ADPRHL1: variants seen among roughly 807,000 people sequenced by gnomAD.
ADPRHL1 encodes inactive ADP-ribosyltransferase ARH2.
A neutral mutation model predicts 44.1 loss-of-function variants in ADPRHL1; 43 were observed. The ratio of observed to expected loss-of-function variants is 0.98; its 90% CI spans 0.76 to 1.26. The LOEUF (loss-of-function observed/expected upper bound fraction) is 1.26. ADPRHL1 is among the 50% of genes most tolerant of loss of function. ADPRHL1 has a pLI of 0.00. For synonymous variants in ADPRHL1, 878 were observed against 1,017.4 expected (o/e 0.86, Z 2.61); for missense variants, 2,022 against 2,496.9 (o/e 0.81, Z 4.05).
At chr13:113,414,560 C>T (rs1443850985) in intron 7 of ADPRHL1, among the ~76,000 whole-genome samples, 1 of 152,106 alleles carries the variant, frequency 6.6e-6, no homozygotes, top group Non-Finnish European at 1.5e-5. Flanking sequence ...GGCTGTGGCT[C>T]CATCTGTGCC....
chr13:113,406,795 C>T lies in ADPRHL1; in HGVS notation c.2487G>A (p.Gln829=). 1 of 1,232,028 alleles carries T rather than the reference C, an allele frequency of 8.1e-7. No homozygotes were observed. The highest frequency in any genetic ancestry group is 1.0e-6 in the Non-Finnish European group (1 of 987,998). 76.3% of individuals were successfully genotyped at this position (1,232,028 alleles called of 1,614,324 possible). A position where few individuals can be genotyped will look rare whatever the true frequency, so the allele number is the denominator to read the frequency against. ...TGGCAGGCTGTGTTCTCCGAGCAGC[C>T]TGGACCGATGGAGCGTTCAGGGGTG... The part of the protein sequence containing the change: ...HIPPLNAPSV[Q]AARRTQPATE... Residue 829 remains glutamine (Q), a synonymous_variant, in exon 8 of 8, where the codon CAG becomes CAA. Coordinates refer to ENST00000612156, the MANE Select transcript of ADPRHL1 (RefSeq NM_001394807.1).
intron 2 of ADPRHL1, among the ~76,000 whole-genome samples, chr13:113,439,402 T>A (rs552836778): frequency 6.6e-6 from 1 of 151,342 alleles, no homozygotes; most frequent in African/African-American, 2.4e-5. Context: ...GGATCACGGG[T>A]GTGAGCCACC....
At chr13:113,414,762 G>A (rs1276640280) in intron 7 of ADPRHL1, among the ~76,000 whole-genome samples, 1 of 150,946 alleles carries the variant, frequency 6.6e-6, no homozygotes, top group South Asian at 2.1e-4. Context: ...TGCAAGCTCC[G>A]CCTCCCGGGT....
At chr13:113,418,308 G>A (rs986668689) in intron 7 of ADPRHL1, among the ~76,000 whole-genome samples, 6 of 152,200 alleles carry the variant, frequency 3.9e-5, no homozygotes, top group Non-Finnish European at 7.3e-5. Context: ...CCATTAGGGA[G>A]CCTGCAGCAG....
intron 7 of ADPRHL1, among the ~76,000 whole-genome samples, chr13:113,416,870 T>C (rs1197696825): frequency 6.6e-6 from 1 of 152,186 alleles, no homozygotes; most frequent in Non-Finnish European, 1.5e-5. Context: ...TCTCAAATGT[T>C]TCAGAAACAA....
At chr13:113,429,444 G>C (rs796732489) in intron 3 of ADPRHL1, among the ~76,000 whole-genome samples, 5 of 152,346 alleles carry the variant, frequency 3.3e-5, no homozygotes, top group African/African-American at 1.2e-4. Flanking sequence ...TGGCGGGCGT[G>C]TTCCACTCAG....
At position 113,429,202 on chromosome 13, in the gene ADPRHL1, C is replaced by T. The variant is rs1330225706; in HGVS notation, c.506-110G>A. ...CCCGAGGAAGGGTTTGCTCGTTTTC[C>T]GTCTTTCCCATGTTCAGGTGCACAG... On this transcript the variant is annotated intron_variant, in intron 3 of 7. Transcript: ENST00000612156. 1.5e-5 allele frequency: 21 copies of T among 1,421,356 alleles called. No homozygotes were observed. The Admixed American group carries it at 1.9e-4, about 13-fold the overall frequency. The allele number at this position is 1,421,356 out of a possible 1,614,324, so 88.0% of individuals were successfully genotyped here. A position where few individuals can be genotyped will look rare whatever the true frequency, so the allele number is the denominator to read the frequency against.
intron 7 of ADPRHL1, chr13:113,410,221 C>G: frequency 4.0e-6 from 3 of 758,308 alleles, no homozygotes; most frequent in Non-Finnish European, 4.8e-6. Context: ...CTCCCTCGCC[C>G]GGTTCAGTGA....
chr13:113,423,927 T>C (rs985294130), intron 6 of ADPRHL1, among the ~76,000 whole-genome samples: 1 of 152,188 alleles, frequency 6.6e-6, no homozygotes, highest in Non-Finnish European at 1.5e-5. Context: ...TGCACTGGCC[T>C]CCAGGCTCGT....
In ADPRHL1 at chr13:113,407,932, C is replaced by T. The variant is rs1203667528; in HGVS notation, c.1350G>A (p.Glu450=). Residue 450 remains glutamate, a synonymous_variant, in exon 8 of 8, where the codon GAG becomes GAA. Transcript: ENST00000612156. ...TGTCCTTGGAGATCAGCCGGCCCAC[C>T]TCCCTGGTCCTCTTGAGGTAGCGCT... ...GRERYLKRTR[E]VGRLISKDKQ... is the part of the protein sequence containing the mutation. The T allele has an allele frequency of 3.2e-6, 4 of 1,231,884 alleles. No individual in the cohort carries two copies. Among genetic ancestry groups the T allele is most frequent in the Non-Finnish European group, 4.0e-6 (4 of 987,982 alleles). The allele number at this position is 1,231,884 out of a possible 1,614,324, so 76.3% of individuals were successfully genotyped here. A position where few individuals can be genotyped will look rare whatever the true frequency, so the allele number is the denominator to read the frequency against.
chr13:113,446,040 C>T (rs1281799947), intron 1 of ADPRHL1, among the ~76,000 whole-genome samples: 1 of 150,054 alleles, frequency 6.7e-6, no homozygotes, highest in Admixed American at 6.6e-5. Flanking sequence ...GCAAACCCCA[C>T]AGAGAGAGCG....
chr13:113,452,579 C>T (rs537307596), intron 1 of ADPRHL1, among the ~76,000 whole-genome samples: 1 of 152,262 alleles, frequency 6.6e-6, no homozygotes, highest in African/African-American at 2.4e-5. Flanking sequence ...AAAGCTTGAT[C>T]CTAAAATCAA....
chr13:113,412,441 G>T (rs2043859192), intron 7 of ADPRHL1, among the ~76,000 whole-genome samples: 2 of 152,236 alleles, frequency 1.3e-5, no homozygotes, highest in Admixed American at 1.3e-4. Context: ...GCCTCCCAAA[G>T]TGCTGGGATG....
intron 1 of ADPRHL1, among the ~76,000 whole-genome samples, chr13:113,445,960 C>A (rs1483704298): frequency 1.3e-5 from 2 of 151,668 alleles, no homozygotes. Context: ...TGGCTGCAAA[C>A]CCCTGGAGAG....
chr13:113,418,156 C>A (rs1415251138), intron 7 of ADPRHL1, among the ~76,000 whole-genome samples: 2 of 152,172 alleles, frequency 1.3e-5, no homozygotes, highest in Non-Finnish European at 2.9e-5. Context: ...TCATGAACTG[C>A]AGCTCTGGGA....
chr13:113,431,567 C>T (rs1469389153), intron 3 of ADPRHL1, among the ~76,000 whole-genome samples: 1 of 152,248 alleles, frequency 6.6e-6, no homozygotes, highest in African/African-American at 2.4e-5. Flanking sequence ...GTAACACAAA[C>T]TGTGGCTCTT....
chr13:113,445,643 C>T lies in ADPRHL1; in HGVS notation c.215-1054G>A, dbSNP rs373641041. Among the ~76,000 whole-genome samples, 25 of 152,164 alleles carry T rather than the reference C, an allele frequency of 1.6e-4. No homozygotes were observed. The South Asian group carries it at 4.4e-3, about 27-fold the overall frequency. On this transcript the variant is annotated intron_variant, in intron 1 of 7. Transcript: ENST00000612156. ...GTGGGAATGAATGGGGAGAGGGAGG[C>T]GAAGATGGAGGCTTGGCCCACCCTC... is the stretch of plus-strand genomic sequence containing the variant.
At chr13:113,440,207 A>G (rs1471943867) in intron 2 of ADPRHL1, among the ~76,000 whole-genome samples, 4 of 152,224 alleles carry the variant, frequency 2.6e-5, no homozygotes, top group Non-Finnish European at 2.9e-5. Context: ...ATCACTGCCT[A>G]TAACTGTGGG....
chr13:113,410,186 C>T (rs776206584), intron 7 of ADPRHL1: 88 of 948,958 alleles, frequency 9.3e-5, no homozygotes, highest in Middle Eastern at 1.1e-3. Context: ...CACAGGACTC[C>T]GCTTCCCCCA....
Sources: allele counts gnomAD v4.1 joint callset (sites outside exome capture counted in the v4.1 genomes callset), GRCh38; gene constraint gnomAD v4.1.1; transcripts MANE v1.5; gene names NCBI Gene and HGNC (gene_info 2026-07-23, HGNC 2026-07-21).